The following LRMDA variants were observed in gnomAD, a reference collection of about 807,000 sequenced individuals.
LRMDA encodes the protein leucine-rich melanocyte differentiation-associated protein.
Under a neutral mutation model 29.8 loss-of-function variants are expected in LRMDA, and 18 were observed. The ratio of observed to expected loss-of-function variants is 0.60; its 90% CI spans 0.42 to 0.90. LRMDA has a LOEUF of 0.90. Among genes scored for constraint, LRMDA ranks in the 40% least tolerant of loss-of-function variants. The probability of loss-of-function intolerance (pLI) is 0.00; values close to 1 mark genes in which losing one functional copy is unlikely to be tolerated. For synonymous variants in LRMDA, 125 were observed against 109.4 expected (o/e 1.14, Z -0.89); for missense variants, 273 against 273.9 (o/e 1.00, Z 0.02).
chr10:75,597,969 C>T (rs763150309), intron 2 of LRMDA, among the ~76,000 whole-genome samples: 3 of 151,918 alleles, frequency 2.0e-5, no homozygotes, highest in Non-Finnish European at 4.4e-5. Flanking sequence ...AAGGGGGCAG[C>T]CATGGAGAGA....
intron 2 of LRMDA, among the ~76,000 whole-genome samples, chr10:75,755,824 C>A (rs548058600): frequency 2.6e-5 from 4 of 152,194 alleles, no homozygotes; most frequent in African/African-American, 4.8e-5. Flanking sequence ...CAGCGACGTG[C>A]CTGGGGCCAG....
intron 2 of LRMDA, among the ~76,000 whole-genome samples, chr10:75,504,305 C>T (rs1845147813): frequency 6.6e-6 from 1 of 152,084 alleles, no homozygotes; most frequent in Non-Finnish European, 1.5e-5. Context: ...TTGTTGAGTG[C>T]CTCTATGTGC....
In LRMDA at chr10:75,737,061, G is replaced by GCA. The variant is rs148786283; in HGVS notation, c.131+298583_131+298584dup. Among the ~76,000 whole-genome samples the GCA allele has an allele frequency of 4.5e-3, 670 of 147,840 alleles. 4 individuals carry two copies. The highest frequency in any genetic ancestry group is 0.014 in the African/African-American group (551 of 40,424). On this transcript the variant is annotated intron_variant, in intron 2 of 6. Transcript: ENST00000611255. The stretch of plus-strand genomic sequence containing the variant: ...TATACACACACATGCACGCACGCAC[G>GCA]CACACACACACACACACGCACATGC...
At chr10:76,554,953 T>A (rs1176467704) in intron 6 of LRMDA, among the ~76,000 whole-genome samples, 1 of 152,144 alleles carries the variant, frequency 6.6e-6, no homozygotes, top group Non-Finnish European at 1.5e-5. Context: ...TTGTGTTCTT[T>A]ATGACATCCG....
rs12777536 is a variant in LRMDA at position 76,492,715 on chromosome 10, A to T, written c.602-64494A>T. ...CTGCATGGCTGGGGAGGCCTCAGGA[A>T]ACTTACAATCATGGCAGAAGGTGCC... On this transcript the variant is annotated intron_variant, in intron 6 of 6. Transcript: ENST00000611255. Among the ~76,000 whole-genome samples the T allele has an allele frequency of 5.9e-5, 9 of 152,028 alleles. No individual in the cohort carries two copies. The East Asian group carries it at 1.7e-3, about 30-fold the overall frequency.
intron 2 of LRMDA, among the ~76,000 whole-genome samples, chr10:75,680,581 G>T (rs181893034): frequency 6.6e-6 from 1 of 152,156 alleles, no homozygotes; most frequent in African/African-American, 2.4e-5. Flanking sequence ...AATGATGAAT[G>T]ATTTTTTGCT....
intron 2 of LRMDA, among the ~76,000 whole-genome samples, chr10:75,939,214 GGCCAGCTGCT>G (rs1479881321): frequency 6.6e-6 from 1 of 152,128 alleles, no homozygotes; most frequent in East Asian, 1.9e-4. Context: ...GCAAATATAT[GGCCAGCTGCT>G]GCCTTCAACA....
intron 6 of LRMDA, among the ~76,000 whole-genome samples, chr10:76,441,727 T>G (rs1009686895): frequency 3.3e-5 from 5 of 152,170 alleles, no homozygotes; most frequent in African/African-American, 1.2e-4. Context: ...GTGTACCTCC[T>G]CTTGTTCTTC....
chr10:76,255,011 C>G (rs905668753), intron 5 of LRMDA, among the ~76,000 whole-genome samples: 1 of 152,196 alleles, frequency 6.6e-6, no homozygotes, highest in African/African-American at 2.4e-5. Flanking sequence ...CAGACTTTCC[C>G]TATTTTCACT....
intron 2 of LRMDA, among the ~76,000 whole-genome samples, chr10:75,875,940 C>T (rs565883846): frequency 6.6e-6 from 1 of 151,904 alleles, no homozygotes; most frequent in African/African-American, 2.4e-5. Context: ...GGATATGAGG[C>T]CTGATTGGAG....
At chr10:76,433,876 T>C (rs1002724530) in intron 6 of LRMDA, 5 of 152,180 alleles carry the variant, frequency 3.3e-5, no homozygotes, top group African/African-American at 7.2e-5. Flanking sequence ...GGCGACAGCA[T>C]AGGAAATAAG....
At chr10:75,677,180 A>T (rs1400260236) in intron 2 of LRMDA, among the ~76,000 whole-genome samples, 1 of 152,156 alleles carries the variant, frequency 6.6e-6, no homozygotes, top group Non-Finnish European at 1.5e-5. Context: ...TTTGTTGCAG[A>T]ACATTTCTTT....
chr10:75,742,923 A>G (rs1842847747), intron 2 of LRMDA: 1 of 152,146 alleles, frequency 6.6e-6, no homozygotes, highest in Non-Finnish European at 1.5e-5. Context: ...TGCACAAAAC[A>G]TTATGTGATT....
chr10:76,087,311 C>T (rs1849153282), intron 5 of LRMDA, among the ~76,000 whole-genome samples: 1 of 152,134 alleles, frequency 6.6e-6, no homozygotes, highest in South Asian at 2.1e-4. Context: ...CCAGGTTTTG[C>T]CACTTACTTG....
intron 5 of LRMDA, among the ~76,000 whole-genome samples, chr10:76,281,345 T>C (rs952171602): frequency 6.6e-6 from 1 of 152,170 alleles, no homozygotes; most frequent in African/African-American, 2.4e-5. Context: ...CATTTGGCAG[T>C]GACAGGTTGA....
intron 2 of LRMDA, among the ~76,000 whole-genome samples, chr10:75,528,503 C>G (rs1845439700): frequency 6.6e-6 from 1 of 152,164 alleles, no homozygotes; most frequent in South Asian, 2.1e-4. Flanking sequence ...GGTAGCCAAG[C>G]CTTTATCCCT....
At chr10:75,794,732 A>G (rs1843623558) in intron 2 of LRMDA, among the ~76,000 whole-genome samples, 1 of 152,222 alleles carries the variant, frequency 6.6e-6, no homozygotes. Flanking sequence ...CCATTTGTAT[A>G]TCAACTTTTG....
intron 5 of LRMDA, among the ~76,000 whole-genome samples, chr10:76,289,699 C>A (rs1021301870): frequency 6.6e-6 from 1 of 152,160 alleles, no homozygotes. Flanking sequence ...GTAGCAAAAA[C>A]CTGGTGGCTG....
chr10:76,302,751 C>T (rs1011286384), intron 5 of LRMDA, among the ~76,000 whole-genome samples: 1 of 152,056 alleles, frequency 6.6e-6, no homozygotes, highest in Non-Finnish European at 1.5e-5. Flanking sequence ...CAGAGAAATC[C>T]ACAAAAATGA....
Sources: allele counts gnomAD v4.1 joint callset (sites outside exome capture counted in the v4.1 genomes callset), GRCh38; gene constraint gnomAD v4.1.1; transcripts MANE v1.5; gene names NCBI Gene and HGNC (gene_info 2026-07-23, HGNC 2026-07-21).